The following TASP1 variants were observed in gnomAD, a reference collection of about 807,000 sequenced individuals.
TASP1 encodes threonine aspartase 1.
TASP1 carries 16 observed loss-of-function variants against 56.6 expected under a neutral mutation model. That is an observed-to-expected ratio of 0.28 (90% confidence interval 0.19 to 0.43). The LOEUF (loss-of-function observed/expected upper bound fraction) is 0.43. Among genes scored for constraint, TASP1 ranks in the 20% least tolerant of loss-of-function variants. The probability of loss-of-function intolerance (pLI) is 1.00; values close to 1 mark genes in which losing one functional copy is unlikely to be tolerated. For missense variants in TASP1, 393 were observed against 511.6 expected (o/e 0.77, Z 2.24); for synonymous variants, 179 against 184.2 (o/e 0.97, Z 0.23).
chr20:13,455,292 G>T (rs938765382), intron 11 of TASP1, among the ~76,000 whole-genome samples: 3 of 151,978 alleles, frequency 2.0e-5, no homozygotes, highest in African/African-American at 7.2e-5. Context: ...TTAATACAGG[G>T]GGTCTTCAAA....
chr20:13,594,558 C>G (rs1163218520), intron 4 of TASP1, among the ~76,000 whole-genome samples: 1 of 152,148 alleles, frequency 6.6e-6, no homozygotes, highest in Non-Finnish European at 1.5e-5. Flanking sequence ...AAAACCATGG[C>G]ATGAGAACTT....
the TASP1 span, among the ~76,000 whole-genome samples, chr20:13,127,323 C>G: frequency 0.55 from 83,882 of 152,062 alleles, 23,424 homozygotes; most frequent in African/African-American, 0.64. Context: ...ATGGTTTATA[C>G]AGATTCTACC....
At chr20:13,142,601 G>A in the TASP1 span, among the ~76,000 whole-genome samples, 2 of 152,198 alleles carry the variant, frequency 1.3e-5, no homozygotes, top group Non-Finnish European at 2.9e-5. Flanking sequence ...CACAAACTTA[G>A]TGACCATTGA....
At chr20:13,110,724 T>C in the TASP1 span, among the ~76,000 whole-genome samples, 1 of 152,204 alleles carries the variant, frequency 6.6e-6, no homozygotes, top group East Asian at 1.9e-4. Flanking sequence ...GGGGTGCAAT[T>C]CTTGTTCCAG....
the TASP1 span, among the ~76,000 whole-genome samples, chr20:13,113,746 C>A: frequency 1.3e-5 from 2 of 152,162 alleles, no homozygotes. Context: ...ATAGAAAGCT[C>A]ACAACCAAGA....
intron 11 of TASP1, among the ~76,000 whole-genome samples, chr20:13,438,506 A>G (rs1224915013): frequency 6.6e-6 from 1 of 152,250 alleles, no homozygotes; most frequent in Admixed American, 6.5e-5. Flanking sequence ...AAATTAATTC[A>G]AGATGGATTA....
At chr20:13,364,093 A>C in the TASP1 span, among the ~76,000 whole-genome samples, 1 of 152,160 alleles carries the variant, frequency 6.6e-6, no homozygotes, top group South Asian at 2.1e-4. Context: ...TTTAAAAAAA[A>C]AACAAACATT....
chr20:13,390,399 G>C lies in TASP1; in HGVS notation c.1224C>G (p.Ile408Met), dbSNP rs200585719. ...TCTCCAGGCGGCACACCCCACCTTC[G>C]ATTGCCACAGACTGTCCTGCCACCG... ...PGAVAGQSVA[I>M]EGGVCRLESP... The change falls in exon 14 of 14, where the codon ATC (isoleucine) becomes ATG (methionine). Residue 408 changes from isoleucine (I) to methionine (M), a missense_variant. Physicochemically the swap from Ile to Met is conservative, Grantham distance 10. Coordinates refer to ENST00000337743, the MANE Select transcript of TASP1 (RefSeq NM_017714.3). The C allele has an allele frequency of 6.2e-7, 1 of 1,613,966 alleles. No individual in the cohort carries two copies. Among genetic ancestry groups the C allele is most frequent in the Non-Finnish European group, 8.5e-7 (1 of 1,179,944 alleles).
the TASP1 span, among the ~76,000 whole-genome samples, chr20:13,159,144 T>C: frequency 3.9e-5 from 6 of 152,194 alleles, no homozygotes; most frequent in African/African-American, 1.4e-4. Flanking sequence ...TATTCTAGAA[T>C]TGTTACAGAG....
chr20:13,465,812 T>A (rs1181466986), intron 11 of TASP1, among the ~76,000 whole-genome samples: 1 of 116,890 alleles, frequency 8.6e-6, no homozygotes, highest in East Asian at 2.7e-4. Context: ...AGACTATTGG[T>A]TGCCAGGGAT....
At chr20:13,307,433 T>C in the TASP1 span, among the ~76,000 whole-genome samples, 3,477 of 152,200 alleles carry the variant, frequency 0.023, 47 homozygotes, top group Non-Finnish European at 0.031. Context: ...ATGAAGGAGC[T>C]CTCTGGGGCT....
chr20:13,443,135 A>G (rs972881004), intron 11 of TASP1, among the ~76,000 whole-genome samples: 38 of 152,198 alleles, frequency 2.5e-4, no homozygotes, highest in African/African-American at 8.7e-4. Flanking sequence ...AAAGACTATC[A>G]TGTGGAACAA....
intron 12 of TASP1, among the ~76,000 whole-genome samples, chr20:13,431,295 G>A (rs751874238): frequency 6.6e-5 from 10 of 152,106 alleles, no homozygotes; most frequent in Admixed American, 2.6e-4. Context: ...GTCCAAACAC[G>A]AAGCAAATTA....
chr20:13,247,517 G>GGGGTGTGTGTGT, the TASP1 span, among the ~76,000 whole-genome samples: 26 of 139,806 alleles, frequency 1.9e-4, no homozygotes, highest in African/African-American at 6.5e-4. Context: ...CAAAGTGAGG[G>GGGGTGTGTGTGT]GTGTGTGTGT....
the TASP1 span, among the ~76,000 whole-genome samples, chr20:13,141,660 A>G: frequency 6.6e-6 from 1 of 152,192 alleles, no homozygotes; most frequent in African/African-American, 2.4e-5. Context: ...TCTGATTTCT[A>G]AATACATTTG....
chr20:13,552,822 T>G (rs530156517), intron 8 of TASP1, among the ~76,000 whole-genome samples: 17 of 152,342 alleles, frequency 1.1e-4, no homozygotes, highest in African/African-American at 3.8e-4. Context: ...TGTTTCTAAA[T>G]GCTTTAGTGT....
chr20:13,225,285 G>A, the TASP1 span, among the ~76,000 whole-genome samples: 1 of 152,038 alleles, frequency 6.6e-6, no homozygotes, highest in Non-Finnish European at 1.5e-5. Flanking sequence ...ATTTATTTTC[G>A]TTATTTTATA....
At chr20:13,576,053 T>C (rs1280513687) in intron 6 of TASP1, among the ~76,000 whole-genome samples, 1 of 151,422 alleles carries the variant, frequency 6.6e-6, no homozygotes, top group East Asian at 1.9e-4. Context: ...AATACAAAAA[T>C]TAGCAGGGCA....
At chr20:13,126,500 C>T in the TASP1 span, 27 of 1,441,892 alleles carry the variant, frequency 1.9e-5, no homozygotes, top group Non-Finnish European at 2.2e-5. Flanking sequence ...ATGTCTTTTG[C>T]TATGAGGATA....
Sources: gnomAD v4.1 joint callset for allele counts (sites outside exome capture counted in the v4.1 genomes callset) on GRCh38, gnomAD v4.1.1 for gene constraint, MANE v1.5 for transcripts, NCBI Gene and HGNC (gene_info 2026-07-23, HGNC 2026-07-21) for gene names.